Variants in GALNTL6 observed in about 807,000 individuals in gnomAD.
GALNTL6 encodes polypeptide N-acetylgalactosaminyltransferase like 6.
GALNTL6 carries 46 observed loss-of-function variants against 73.7 expected under a neutral mutation model. The observed-to-expected ratio is 0.62, with a 90% CI of 0.49 to 0.80. GALNTL6 has a LOEUF of 0.80. Ranked by LOEUF, GALNTL6 falls within the 30% of genes least tolerant of loss-of-function variation. The probability of loss-of-function intolerance (pLI) is 0.00; values close to 1 mark genes in which losing one functional copy is unlikely to be tolerated. For synonymous variants in GALNTL6, 259 were observed against 263.7 expected (o/e 0.98, Z 0.17); for missense variants, 604 against 755.0 (o/e 0.80, Z 2.34).
intron 5 of GALNTL6, among the ~76,000 whole-genome samples, chr4:172,415,420 A>G (rs34069532): frequency 0.54 from 82,382 of 152,040 alleles, 25,780 homozygotes; most frequent in Non-Finnish European, 0.7. Context: ...CAGGCACTCA[A>G]AGCTCCAGTC....
intron 2 of GALNTL6, among the ~76,000 whole-genome samples, chr4:172,012,356 C>A (rs1291523222): frequency 6.6e-6 from 1 of 152,078 alleles, no homozygotes; most frequent in East Asian, 1.9e-4. Context: ...CCAGGGTCTA[C>A]TCTCTAGGCC....
At chr4:171,974,610 A>C (rs1739666221) in intron 2 of GALNTL6, among the ~76,000 whole-genome samples, 1 of 152,222 alleles carries the variant, frequency 6.6e-6, no homozygotes, top group African/African-American at 2.4e-5. Context: ...TTAGACAAAA[A>C]AATTTTAAAT....
Position 171,936,933 on chromosome 4 carries a change from C to T in GALNTL6, c.138+122215C>T, listed in dbSNP as rs75068908. On this transcript the variant is annotated intron_variant, in intron 2 of 12. Transcript: ENST00000506823. ...AGATATTAGTTCAAGGCTAACAGCA[C>T]ATCTTTATGTCCAATCTCTAGCAAC... Among the ~76,000 whole-genome samples the T allele has an allele frequency of 6.4e-3, 979 of 152,252 alleles. 13 individuals are homozygous for T. Among genetic ancestry groups the T allele is most frequent in the African/African-American group, 0.022 (935 of 41,564 alleles).
rs146947586 is a variant in GALNTL6, at chr4:171,914,576, T to C, written c.138+99858T>C. Among the ~76,000 whole-genome samples, 230 of 151,648 alleles carry C rather than the reference T, an allele frequency of 1.5e-3. 1 individual carries two copies. Among genetic ancestry groups the C allele is most frequent in the Admixed American group, 0.01 (152 of 15,198 alleles). On this transcript the variant is annotated intron_variant, in intron 2 of 12. Transcript: ENST00000506823. ...CTGGGATTATAGACACGGGCTACCA[T>C]GCCCAATTTTTGTATTTTTAGTAGA...
At chr4:171,940,634 C>T (rs903759518) in intron 2 of GALNTL6, among the ~76,000 whole-genome samples, 4 of 151,740 alleles carry the variant, frequency 2.6e-5, no homozygotes, top group African/African-American at 9.7e-5. Flanking sequence ...CCAGCCTGAC[C>T]AACATGGTGA....
At chr4:172,200,571 C>T (rs1735920883) in intron 2 of GALNTL6, among the ~76,000 whole-genome samples, 1 of 152,164 alleles carries the variant, frequency 6.6e-6, no homozygotes, top group South Asian at 2.1e-4. Flanking sequence ...AAACCGTGCA[C>T]TGATGCAGAT....
chr4:172,809,603 G>T lies in GALNTL6; in HGVS notation c.739+57G>T. ...ATGCCTCAGGGGAACTGAGCGGTTT[G>T]CTTCTATTTAGTTTGCAATCAGCAA... On this transcript the variant is annotated intron_variant, in intron 6 of 12. Coordinates refer to ENST00000506823, the MANE Select transcript of GALNTL6 (RefSeq NM_001034845.3). This position sits in a 1 kb window ranked among gnomAD's most constrained non-coding sequence, Gnocchi z 4.4. The T allele has an allele frequency of 6.3e-6, 9 of 1,421,532 alleles. No individual in the cohort carries two copies. Among genetic ancestry groups the T allele is most frequent in the Admixed American group, 2.3e-5 (1 of 44,094 alleles). 88.1% of individuals were successfully genotyped at this position (1,421,532 alleles called of 1,614,324 possible). A position where few individuals can be genotyped will look rare whatever the true frequency, so the allele number is the denominator to read the frequency against.
chr4:172,848,013 T>C (rs535930992), intron 7 of GALNTL6, among the ~76,000 whole-genome samples: 21 of 152,324 alleles, frequency 1.4e-4, no homozygotes, highest in South Asian at 1.0e-3. Flanking sequence ...CTAGAAGCTT[T>C]AATCATTATG....
At chr4:172,545,356 G>A (rs72704851) in intron 5 of GALNTL6, among the ~76,000 whole-genome samples, 5,245 of 152,198 alleles carry the variant, frequency 0.034, 130 homozygotes, top group Middle Eastern at 0.054. Flanking sequence ...GTAAGAGAAC[G>A]TGAGTGAATT....
At chr4:172,535,977 T>C (rs1561126871) in intron 5 of GALNTL6, among the ~76,000 whole-genome samples, 2 of 152,154 alleles carry the variant, frequency 1.3e-5, no homozygotes, top group East Asian at 3.9e-4. Flanking sequence ...AAGGACCCAG[T>C]GGGTGGTAAT....
At chr4:172,903,129 C>T (rs1746712595) in intron 8 of GALNTL6, among the ~76,000 whole-genome samples, 1 of 147,370 alleles carries the variant, frequency 6.8e-6, no homozygotes, top group African/African-American at 2.7e-5. Context: ...TTTATTTTCC[C>T]CCTAAAAGTT....
chr4:171,934,433 G>T (rs578063379), intron 2 of GALNTL6, among the ~76,000 whole-genome samples: 66 of 152,138 alleles, frequency 4.3e-4, no homozygotes, highest in African/African-American at 1.6e-3. Context: ...TTGAGACAGG[G>T]TCTCATTCTC....
At chr4:172,817,563 G>A (rs936322326) in intron 7 of GALNTL6, among the ~76,000 whole-genome samples, 1 of 152,152 alleles carries the variant, frequency 6.6e-6, no homozygotes, top group Non-Finnish European at 1.5e-5. Context: ...GCTTTTAGAA[G>A]GTTTTCTCAT....
chr4:172,974,290 G>A (rs931828293), intron 10 of GALNTL6, among the ~76,000 whole-genome samples: 1 of 152,076 alleles, frequency 6.6e-6, no homozygotes, highest in African/African-American at 2.4e-5. Flanking sequence ...TAATAGACGA[G>A]CAGATGGCAC....
intron 5 of GALNTL6, among the ~76,000 whole-genome samples, chr4:172,507,262 G>A (rs13103539): frequency 0.67 from 35,810 of 53,678 alleles, 17,357 homozygotes; most frequent in Non-Finnish European, 0.99. Flanking sequence ...CAAAGGATCT[G>A]GGGAAAATTA....
At chr4:172,138,496 T>C (rs970954737) in intron 2 of GALNTL6, among the ~76,000 whole-genome samples, 10 of 8,568 alleles carry the variant, frequency 1.2e-3, no homozygotes, top group Non-Finnish European at 2.7e-3. Flanking sequence ...TATATATATA[T>C]ATATATATAT....
intron 2 of GALNTL6, among the ~76,000 whole-genome samples, chr4:171,855,648 T>A (rs1446082863): frequency 6.6e-6 from 1 of 152,178 alleles, no homozygotes; most frequent in African/African-American, 2.4e-5. Flanking sequence ...TAATTATGAT[T>A]TTATGGTAAG....
At chr4:172,871,611 A>AGTGT (rs5864173) in intron 7 of GALNTL6, among the ~76,000 whole-genome samples, 11,965 of 137,464 alleles carry the variant, frequency 0.087, 584 homozygotes, top group African/African-American at 0.13. Context: ...TGTGTGTGAG[A>AGTGT]GTGTGTGTGT....
intron 5 of GALNTL6, among the ~76,000 whole-genome samples, chr4:172,369,427 T>A (rs1055903052): frequency 2.6e-5 from 4 of 152,182 alleles, no homozygotes; most frequent in Non-Finnish European, 5.9e-5. Context: ...ACCTAGTGGA[T>A]CCCGTGCCAG....
Sources: allele counts gnomAD v4.1 joint callset (sites outside exome capture counted in the v4.1 genomes callset), GRCh38; gene constraint gnomAD v4.1.1; non-coding constraint Gnocchi (gnomAD v3.1); transcripts MANE v1.5; gene names NCBI Gene and HGNC (gene_info 2026-07-23, HGNC 2026-07-21).